The following ITSN2 variants were observed in gnomAD, a reference collection of about 807,000 sequenced individuals.
The protein encoded by ITSN2 is intersectin-2.
In ITSN2, 156 loss-of-function variants were observed where a neutral mutation model predicts 243.7. That is an observed-to-expected ratio of 0.64 (90% CI 0.56 to 0.73). ITSN2 has a LOEUF of 0.73. Among genes scored for constraint, ITSN2 ranks in the 30% least tolerant of loss-of-function variants. ITSN2 has a pLI of 0.00. For synonymous variants in ITSN2, 703 were observed against 699.9 expected (o/e 1.00, Z -0.07); for missense variants, 1,801 against 1,996.1 (o/e 0.90, Z 1.86).
intron 29 of ITSN2, among the ~76,000 whole-genome samples, chr2:24,224,453 T>TA (rs1390027464): frequency 4.6e-5 from 7 of 152,192 alleles, no homozygotes; most frequent in African/African-American, 7.2e-5. Context: ...TGATTTACAT[T>TA]AAAAACCACA....
At position 24,293,783 on chromosome 2, in the gene ITSN2, A is replaced by T; in HGVS notation, c.1636-8T>A. Reference sequence around the variant, plus strand: ...AAGCTTATTCTGATATTCCTTATAAAAAGAAAAAATAGTACCTGATTACAA... The same window carrying T: ...AAGCTTATTCTGATATTCCTTATAATAAGAAAAAATAGTACCTGATTACAA... On this transcript the variant is annotated splice_region_variant and splice_polypyrimidine_tract_variant and intron_variant, in intron 14 of 39. Coordinates refer to ENST00000355123, the MANE Select transcript of ITSN2 (RefSeq NM_006277.3). 1.2e-6 allele frequency: 1 copy of T among 835,680 alleles called. No individual in the cohort carries two copies. The highest frequency in any genetic ancestry group is 1.9e-6 in the Non-Finnish European group (1 of 528,620). The allele number at this position is 835,680 out of a possible 1,614,324, so 51.8% of individuals were successfully genotyped here.
intron 28 of ITSN2, among the ~76,000 whole-genome samples, 197 bp from the exon 29 acceptor site, chr2:24,246,517 G>C (rs572053999): frequency 7.2e-5 from 11 of 152,058 alleles, no homozygotes; most frequent in Non-Finnish European, 1.2e-4. Context: ...CCCAACTGCA[G>C]TTAACAATCC....
chr2:24,334,512 A>G (rs2151872807), intron 1 of ITSN2: 1 of 747,510 alleles, frequency 1.3e-6, no homozygotes, highest in South Asian at 1.3e-5. Context: ...TCATGCAAAC[A>G]TGGTGAACAT....
intron 23 of ITSN2, 135 bp downstream of exon 23, chr2:24,257,753 G>A (rs767442079): frequency 5.5e-4 from 399 of 731,036 alleles, no homozygotes; most frequent in Non-Finnish European, 8.5e-4. Context: ...CACCACGGCC[G>A]GCCAGAATTA....
At chr2:24,257,586 A>G (rs943797850) in intron 23 of ITSN2, among the ~76,000 whole-genome samples, 2 of 151,464 alleles carry the variant, frequency 1.3e-5, no homozygotes, top group Non-Finnish European at 2.9e-5. Context: ...CCTCCCAAGT[A>G]GCTGGGACTA....
intron 17 of ITSN2, among the ~76,000 whole-genome samples, chr2:24,278,407 A>G (rs183554097): frequency 2.6e-5 from 4 of 152,194 alleles, no homozygotes; most frequent in Middle Eastern, 3.2e-3. Flanking sequence ...TATTTAATAA[A>G]TATTTATTGG....
intron 29 of ITSN2, among the ~76,000 whole-genome samples, chr2:24,226,071 G>A (rs571493537): frequency 6.6e-5 from 10 of 152,162 alleles, no homozygotes; most frequent in Admixed American, 3.9e-4. Context: ...GTGTAGTTAC[G>A]GTGTCAGTGG....
Position 24,322,609 on chromosome 2 carries a change from T to C in ITSN2, c.31+5443A>G, listed in dbSNP as rs148432169. Among the ~76,000 whole-genome samples the C allele has an allele frequency of 5.9e-5, 9 of 152,272 alleles. No individual in the cohort carries two copies. In the East Asian group the frequency reaches 1.7e-3, roughly 29 times the overall value. ...ACTCTCAATGAATCACAGAACTAGA[T>C]ATAAGATAAAACTTCCTGAAGAAAA... On this transcript the variant is annotated intron_variant, in intron 2 of 39. Coordinates refer to ENST00000355123, the MANE Select transcript of ITSN2 (RefSeq NM_006277.3).
At chr2:24,240,419 A>C (rs1259786784) in intron 29 of ITSN2, 1 of 152,164 alleles carries the variant, frequency 6.6e-6, no homozygotes, top group Non-Finnish European at 1.5e-5. Flanking sequence ...GAGGATGCCA[A>C]ATGCTAAAAA....
chr2:24,299,857 T>G (rs1681495746), intron 12 of ITSN2, 52 bp downstream of exon 12: 1 of 1,417,790 alleles, frequency 7.1e-7, no homozygotes, highest in East Asian at 2.3e-5. Flanking sequence ...TGAAATATAG[T>G]CACTTATTAA....
At chr2:24,205,352 G>GTCTT in intron 37 of ITSN2, 55 bp from the exon 38 acceptor site, 1 of 1,482,456 alleles carries the variant, frequency 6.7e-7, no homozygotes, top group South Asian at 1.1e-5. Context: ...TGCAGACCCT[G>GTCTT]TCTTTCAAAC....
chr2:24,356,270 T>G lies in ITSN2; in HGVS notation c.-34+4034A>C, dbSNP rs139554663. ...ATCCCAGCTACTTGGGAGGTGAACCTGGTAGGCAGAGATTGTGGTGAGCCA... is the reference window on the plus strand; with the variant it reads ...ATCCCAGCTACTTGGGAGGTGAACCGGGTAGGCAGAGATTGTGGTGAGCCA... On this transcript the variant is annotated intron_variant, in intron 1 of 39. Transcript: ENST00000355123. Among the ~76,000 whole-genome samples, 5 of 138,524 alleles carry G rather than the reference T, an allele frequency of 3.6e-5. No homozygotes were observed. In the Admixed American group the frequency reaches 3.8e-4, roughly 11 times the overall value. The allele number at this position is 138,524 out of a possible 152,430, so 90.9% of individuals were successfully genotyped here. A position where few individuals can be genotyped will look rare whatever the true frequency, so the allele number is the denominator to read the frequency against.
At chr2:24,346,807 T>C (rs893862450) in intron 1 of ITSN2, among the ~76,000 whole-genome samples, 1 of 151,996 alleles carries the variant, frequency 6.6e-6, no homozygotes, top group Non-Finnish European at 1.5e-5. Context: ...GCCTCTAATT[T>C]TGACCACATT....
At chr2:24,350,599 GATGA>G (rs937405967) in intron 1 of ITSN2, among the ~76,000 whole-genome samples, 10 of 152,106 alleles carry the variant, frequency 6.6e-5, no homozygotes, top group African/African-American at 1.9e-4. Context: ...ACTACAGATG[GATGA>G]ATGAATAAAC....
chr2:24,352,948 G>A (rs1306174856), intron 1 of ITSN2, among the ~76,000 whole-genome samples: 2 of 152,152 alleles, frequency 1.3e-5, no homozygotes, highest in African/African-American at 4.8e-5. Context: ...CTATTTACTT[G>A]ACATGAATAA....
intron 17 of ITSN2, 100 bp from the exon 18 acceptor site, chr2:24,275,949 C>A: frequency 2.4e-6 from 2 of 822,114 alleles, no homozygotes; most frequent in South Asian, 2.7e-5. Context: ...AATCCTATAG[C>A]AAGTTGAACT....
intron 8 of ITSN2, among the ~76,000 whole-genome samples, chr2:24,307,497 C>G (rs1392517960): frequency 6.6e-6 from 1 of 152,088 alleles, no homozygotes; most frequent in Non-Finnish European, 1.5e-5. Context: ...CACCCGTGAA[C>G]CTACCACCCA....
chr2:24,348,008 C>T (rs1182086253), intron 1 of ITSN2, among the ~76,000 whole-genome samples: 1 of 151,590 alleles, frequency 6.6e-6, no homozygotes, highest in Admixed American at 6.6e-5. Flanking sequence ...CCCAAGAGTT[C>T]GAGATTACAG....
At chr2:24,230,196 A>G (rs1341686091) in intron 29 of ITSN2, among the ~76,000 whole-genome samples, 1 of 152,002 alleles carries the variant, frequency 6.6e-6, no homozygotes, top group African/African-American at 2.4e-5. Flanking sequence ...ATAATTTTCC[A>G]CCTCAGTGGA....
Sources: gnomAD v4.1 joint callset for allele counts (sites outside exome capture counted in the v4.1 genomes callset) on GRCh38, gnomAD v4.1.1 for gene constraint, MANE v1.5 for transcripts, NCBI Gene and HGNC (gene_info 2026-07-23, HGNC 2026-07-21) for gene names.